The following A1CF variants were observed in gnomAD, a reference collection of about 807,000 sequenced individuals.
The protein encoded by A1CF is APOBEC1 complementation factor.
A1CF carries 48 observed loss-of-function variants against 68.9 expected under a neutral mutation model. That is an observed-to-expected ratio of 0.70 (90% CI 0.55 to 0.89). A1CF has a LOEUF of 0.89. Ranked by LOEUF, A1CF falls within the 40% of genes least tolerant of loss-of-function variation. The pLI is 0.00. For missense variants in A1CF, 653 were observed against 718.9 expected, an observed-to-expected ratio of 0.91 and a Z score of 1.05; for synonymous variants, 272 against 260.4, an observed-to-expected ratio of 1.04 and a Z score of -0.43.
At chr10:50,827,545 A>G (rs1310854860) in intron 7 of A1CF, among the ~76,000 whole-genome samples, 1 of 152,254 alleles carries the variant, frequency 6.6e-6, no homozygotes, top group Non-Finnish European at 1.5e-5. Flanking sequence ...TGAGTACACA[A>G]CGAAATGAAG....
At chr10:50,829,904 C>T (rs1327490719) in intron 6 of A1CF, among the ~76,000 whole-genome samples, 1 of 152,110 alleles carries the variant, frequency 6.6e-6, no homozygotes, top group African/African-American at 2.4e-5. Flanking sequence ...TTTTTCCTTC[C>T]CATCTTTTTA....
At chr10:50,853,161 G>A (rs1840326836) in intron 3 of A1CF, among the ~76,000 whole-genome samples, 2 of 152,114 alleles carry the variant, frequency 1.3e-5, no homozygotes, top group Admixed American at 1.3e-4. Context: ...CCAGGTTCAT[G>A]GCTGATTAAC....
At position 50,805,206 on chromosome 10, in the gene A1CF, G is replaced by A. The variant is rs913327754; in HGVS notation, c.*1523C>T. On this transcript the variant is annotated 3_prime_UTR_variant, in exon 13 of 13. Coordinates refer to ENST00000373997, the MANE Select transcript of A1CF (RefSeq NM_014576.4). ...TTAAGGAGTTGACAAAATTTTCCAT[G>A]TCTTTGTGTTTATGTTTTCCTTTGT... is the stretch of plus-strand genomic sequence containing the variant. 5 of 152,118 alleles carry A rather than the reference G, an allele frequency of 3.3e-5. No individual in the cohort carries two copies. Among genetic ancestry groups the A allele is most frequent in the African/African-American group, 1.2e-4 (5 of 41,438 alleles). 9.4% of individuals were successfully genotyped at this position (152,118 alleles called of 1,614,324 possible). A position where few individuals can be genotyped will look rare whatever the true frequency, so the allele number is the denominator to read the frequency against.
rs556062548 is a variant in A1CF, at chr10:50,875,439, G to T, written c.-94+10142C>A. ...TGTACGGAAAGGAAGCAAAAGCTGT[G>T]GGGTAGAGAAAGGACAGAGAGCAAG... is the stretch of plus-strand genomic sequence containing the variant. On this transcript the variant is annotated intron_variant, in intron 1 of 12. Coordinates refer to ENST00000373997, the MANE Select transcript of A1CF (RefSeq NM_014576.4). Among the ~76,000 whole-genome samples the T allele has an allele frequency of 2.0e-5, 3 of 152,266 alleles. No homozygotes were observed. The East Asian group carries it at 5.8e-4, about 29-fold the overall frequency.
At chr10:50,810,114 T>C in intron 11 of A1CF, 72 bp from the exon 12 acceptor site, 1 of 1,560,974 alleles carries the variant, frequency 6.4e-7, no homozygotes, top group Non-Finnish European at 8.8e-7. Context: ...CTTAAGGCAC[T>C]ATCAGCTTTG....
intron 6 of A1CF, among the ~76,000 whole-genome samples, chr10:50,828,719 A>G (rs1839090895): frequency 6.6e-6 from 1 of 152,118 alleles, no homozygotes; most frequent in Non-Finnish European, 1.5e-5. Context: ...AAGAGCATTT[A>G]CTGCTGCTGG....
intron 1 of A1CF, among the ~76,000 whole-genome samples, chr10:50,871,023 G>A: frequency 6.6e-6 from 1 of 151,564 alleles, no homozygotes; most frequent in East Asian, 1.9e-4. Context: ...CTTAATGAAA[G>A]TTAATACCCA....
chr10:50,859,917 C>T lies in A1CF; in HGVS notation c.24G>A (p.Gly8=), dbSNP rs1188361060. 2.5e-6 allele frequency: 4 copies of T among 1,613,780 alleles called. No individual in the cohort carries two copies. Among genetic ancestry groups the T allele is most frequent in the Admixed American group, 1.7e-5 (1 of 59,966 alleles). The change falls in exon 3 of 13, where the codon GGG becomes GGA. Residue 8 remains glycine, a synonymous_variant. Transcript: ENST00000373997. ...CCTTCTGAGTGCCGCTCAATCCATC[C>T]CCGGATTTGTGATTTGATTCCATTG... The part of the protein sequence containing the change: MESNHKS[G]DGLSGTQKEA...
intron 1 of A1CF, among the ~76,000 whole-genome samples, chr10:50,881,211 A>G (rs775694017): frequency 6.6e-5 from 10 of 151,216 alleles, no homozygotes; most frequent in Non-Finnish European, 1.0e-4. Context: ...CTGGTCTTGA[A>G]CTCCTGACCT....
Position 50,816,091 on chromosome 10 carries a change from G to A in A1CF, c.1056C>T (p.Thr352=). ...LGAPVFYAPQ[T]YAAIPSLHFP... is the part of the protein sequence containing the mutation. ...AATGAAGACTGGGAATTGCTGCATA[G>A]GTCTGGGGGGCATAGAAGACAGGAG... Residue 352 remains threonine, a synonymous_variant, in exon 9 of 13, where the codon ACC becomes ACT. Transcript: ENST00000373997. 3 of 1,613,872 alleles carry A rather than the reference G, an allele frequency of 1.9e-6. No homozygotes were observed. Among genetic ancestry groups the A allele is most frequent in the Non-Finnish European group, 2.5e-6 (3 of 1,179,876 alleles).
intron 1 of A1CF, among the ~76,000 whole-genome samples, chr10:50,874,587 A>C (rs1841419889): frequency 6.6e-6 from 1 of 152,176 alleles, no homozygotes; most frequent in African/African-American, 2.4e-5. Flanking sequence ...AATTTTAGCA[A>C]ATAATATTCG....
chr10:50,813,802 A>G, intron 10 of A1CF, 55 bp downstream of exon 10: 1 of 1,561,308 alleles, frequency 6.4e-7, no homozygotes, highest in South Asian at 1.1e-5. Context: ...GATAAAAGTG[A>G]ATGATGCTCA....
At chr10:50,836,019 C>T (rs1564511532) in intron 6 of A1CF, 55 bp downstream of exon 6, 15 of 1,455,950 alleles carry the variant, frequency 1.0e-5, no homozygotes, top group Admixed American at 7.1e-5. Context: ...ATTTTCTTTG[C>T]GGAGGCAGGC....
At chr10:50,883,743 A>C (rs1208841619) in intron 1 of A1CF, among the ~76,000 whole-genome samples, 1 of 152,160 alleles carries the variant, frequency 6.6e-6, no homozygotes, top group Non-Finnish European at 1.5e-5. Flanking sequence ...AGTTGTGATA[A>C]ATGACAATAT....
intron 7 of A1CF, among the ~76,000 whole-genome samples, chr10:50,825,660 C>G (rs1277887415): frequency 1.3e-5 from 2 of 152,066 alleles, no homozygotes; most frequent in African/African-American, 4.8e-5. Context: ...TGTTGTAGCT[C>G]CTATATGGAG....
rs1230185848 is a variant in A1CF at position 50,846,936 on chromosome 10, G to A, written c.100-2814C>T. ...CACCCGCTGGTCTTGGAATGTACCAGTAATGGAAGTTCAGATCAATTTAAG... is the reference window on the plus strand; with the variant it reads ...CACCCGCTGGTCTTGGAATGTACCAATAATGGAAGTTCAGATCAATTTAAG... On this transcript the variant is annotated intron_variant, in intron 3 of 12. Transcript: ENST00000373997. Among the ~76,000 whole-genome samples, 4 of 152,170 alleles carry A rather than the reference G, an allele frequency of 2.6e-5. No individual in the cohort carries two copies. The East Asian group carries it at 7.7e-4, about 29-fold the overall frequency.
intron 3 of A1CF, among the ~76,000 whole-genome samples, chr10:50,845,975 TATTTATGAAAAAATGTATCATGCCATTAA>T (rs2132469151): frequency 6.6e-6 from 1 of 152,068 alleles, no homozygotes; most frequent in African/African-American, 2.4e-5. Flanking sequence ...AAAAACTCCT[TATTTATGAAAAAATGTATCATGCCATTAA>T]ATAGCAAATT....
At position 50,844,090 on chromosome 10, in the gene A1CF, T is replaced by A; in HGVS notation, c.132A>T (p.Pro44=). 6.2e-7 allele frequency: 1 copy of A among 1,612,322 alleles called. No homozygotes were observed. The highest frequency in any genetic ancestry group is 1.1e-5 in the South Asian group (1 of 90,540). The change falls in exon 4 of 13, where the codon CCA becomes CCT. Residue 44 remains proline (P), a synonymous_variant. Transcript: ENST00000373997. ...CAGGGGGTGCAGCATCCCAACCAGG[T>A]GGAGGGCCACCATATTTTCTTTGTC... ...ENGQRKYGGP[P]PGWDAAPPER...
At chr10:50,852,384 C>A (rs1589021535) in intron 3 of A1CF, among the ~76,000 whole-genome samples, 1 of 152,138 alleles carries the variant, frequency 6.6e-6, no homozygotes, top group African/African-American at 2.4e-5. Flanking sequence ...CAGAACTGCT[C>A]CTTCATTTGG....
Sources: allele counts gnomAD v4.1 joint callset (sites outside exome capture counted in the v4.1 genomes callset), GRCh38; gene constraint gnomAD v4.1.1; transcripts MANE v1.5; gene names NCBI Gene and HGNC (gene_info 2026-07-23, HGNC 2026-07-21).